ZSWIM8: variants seen among roughly 807,000 people sequenced by gnomAD.
The protein encoded by ZSWIM8 is zinc finger SWIM-type containing 8.
A neutral mutation model predicts 173.7 loss-of-function variants in ZSWIM8; 27 were observed. The observed-to-expected ratio is 0.16, with a 90% confidence interval of 0.11 to 0.21. The LOEUF (loss-of-function observed/expected upper bound fraction) is 0.21. Ranked by LOEUF, ZSWIM8 falls within the 10% of genes least tolerant of loss-of-function variation. ZSWIM8 has a pLI of 1.00. For synonymous variants in ZSWIM8, 958 were observed against 962.0 expected, an observed-to-expected ratio of 1.00 and a Z score of 0.08; for missense variants, 1,627 against 2,428.8, an observed-to-expected ratio of 0.67 and a Z score of 6.94.
At position 73,801,079 on chromosome 10, in the gene ZSWIM8, C is replaced by G; in HGVS notation, c.5185C>G (p.Leu1729Val). The G allele has an allele frequency of 6.4e-7, 1 of 1,567,454 alleles. No individual in the cohort carries two copies. The highest frequency in any genetic ancestry group is 8.6e-7 in the Non-Finnish European group (1 of 1,156,510). The change falls in exon 25 of 26, where the codon CTG becomes GTG. Residue 1729 changes from leucine to valine, a missense_variant. By Grantham distance (32) the Leu-to-Val change is conservative. This residue lies in a region of ZSWIM8 where 122 missense variants were observed against 196.1 expected (regional missense o/e 0.62). Transcript: ENST00000604729. This position sits in a 1 kb window ranked among gnomAD's most constrained non-coding sequence, Gnocchi z 4.9. ...CAAGGGGGTGCTGAGCCCGTTTGTG[C>G]TGCAGGAGATCGTCATGGAGACGCT... ...AAKGVLSPFV[L>V]QEIVMETLQR...
Position 73,797,383 on chromosome 10 carries a change from C to T in ZSWIM8, c.3440C>T (p.Ala1147Val). 1 of 1,613,830 alleles carries T rather than the reference C, an allele frequency of 6.2e-7. No individual in the cohort carries two copies. The highest frequency in any genetic ancestry group is 8.5e-7 in the Non-Finnish European group (1 of 1,179,788). Residue 1147 changes from alanine to valine, a missense_variant, in exon 18 of 26, where the codon GCC (alanine) becomes GTC (valine). Ala to Val is a moderately conservative substitution (Grantham distance 64, BLOSUM62 0). Coordinates refer to ENST00000604729, the MANE Select transcript of ZSWIM8 (RefSeq NM_001367799.1). The surrounding 1 kb of genome is among the most constrained non-coding windows in gnomAD (Gnocchi z 5.6). ...GRPKKKHTGM[A>V]SIDSSAPETT... ...GACTTCTCTTGGGGGTTAGGCATGG[C>T]CAGCATTGACAGCAGTGCCCCTGAA... is the stretch of plus-strand genomic sequence containing the variant.
At chr10:73,790,370 A>C in intron 7 of ZSWIM8, 78 bp downstream of exon 7, 2 of 1,523,516 alleles carry the variant, frequency 1.3e-6, no homozygotes, top group Non-Finnish European at 1.8e-6. Context: ...CCTTTCTTCT[A>C]TTCATGCCTG....
rs1258034268 is a variant in ZSWIM8, at chr10:73,794,594, C to T, written c.2863C>T (p.Pro955Ser). The part of the protein sequence containing the change: ...PPSRNWNSET[P>S]GDEELGFEAA... The stretch of plus-strand genomic sequence containing the variant: ...AAGTCGCAACTGGAACAGCGAGACA[C>T]CTGGGGATGAGGAGCTTGGATTTGA... The change falls in exon 14 of 26, where the codon CCT (proline) becomes TCT (serine). Residue 955 changes from proline (P) to serine (S), a missense_variant. Physicochemically the swap from Pro to Ser is moderately conservative, Grantham distance 74. Coordinates refer to ENST00000604729, the MANE Select transcript of ZSWIM8 (RefSeq NM_001367799.1). 1.3e-6 allele frequency: 2 copies of T among 1,558,100 alleles called. No homozygotes were observed. Among genetic ancestry groups the T allele is most frequent in the African/African-American group, 1.4e-5 (1 of 73,380 alleles).
rs1340114280 is a variant in ZSWIM8 at position 73,800,542 on chromosome 10, T to C, written c.5002+70T>C. 1.9e-6 allele frequency: 3 copies of C among 1,603,482 alleles called. No individual in the cohort carries two copies. Among genetic ancestry groups the C allele is most frequent in the South Asian group, 1.1e-5 (1 of 89,328 alleles). Reference sequence around the variant, plus strand: ...GTGGCTCTTCAGAGGACCCTTCCTCTAGCTCTTCATTTGTTTACTGTGGGG... The same window carrying C: ...GTGGCTCTTCAGAGGACCCTTCCTCCAGCTCTTCATTTGTTTACTGTGGGG... On this transcript the variant is annotated intron_variant, in intron 23 of 25. Coordinates refer to ENST00000604729, the MANE Select transcript of ZSWIM8 (RefSeq NM_001367799.1). The surrounding 1 kb of genome is among the most constrained non-coding windows in gnomAD (Gnocchi z 4.1).
intron 1 of ZSWIM8, among the ~76,000 whole-genome samples, chr10:73,787,987 C>T (rs911902122): frequency 6.6e-5 from 10 of 152,126 alleles, no homozygotes; most frequent in Admixed American, 2.6e-4. Flanking sequence ...CATGTTATCA[C>T]TACTTTTTGG....
In ZSWIM8 at chr10:73,792,161, G is replaced by C; in HGVS notation, c.1622G>C (p.Arg541Pro). ...PRPLPTEPAV[R>P]PKEPGTKRKG... ...CCCCTTCCTACTGAGCCAGCTGTGC[G>C]GCCCAAGGAGCCTGGGACCAAGCGA... The change falls in exon 10 of 26, where the codon CGG becomes CCG. Residue 541 changes from arginine (R) to proline (P), a missense_variant. Arg to Pro is a moderately radical substitution (Grantham distance 103, BLOSUM62 -2). Transcript: ENST00000604729. This position sits in a 1 kb window ranked among gnomAD's most constrained non-coding sequence, Gnocchi z 4.3. The C allele has an allele frequency of 6.5e-7, 1 of 1,528,038 alleles. No homozygotes were observed. Among genetic ancestry groups the C allele is most frequent in the Non-Finnish European group, 8.8e-7 (1 of 1,138,622 alleles). The allele number at this position is 1,528,038 out of a possible 1,614,324, so 94.7% of individuals were successfully genotyped here.
At position 73,796,954 on chromosome 10, in the gene ZSWIM8, G is replaced by A; in HGVS notation, c.3214G>A (p.Gly1072Arg). ...AGGCTCTGCAGGGCCTGCTCAACCA[G>A]GGAGTGTGGCAGGGGCTGGGCCAGG... ...TSGSAGPAQP[G>R]SVAGAGPGPT... The change falls in exon 16 of 26, where the codon GGG becomes AGG. Residue 1072 changes from glycine (G) to arginine (R), a missense_variant. Gly to Arg is a moderately radical substitution (Grantham distance 125). Transcript: ENST00000604729. 2 of 1,613,982 alleles carry A rather than the reference G, an allele frequency of 1.2e-6. No individual in the cohort carries two copies. The highest frequency in any genetic ancestry group is 1.7e-5 in the Admixed American group (1 of 60,032).
chr10:73,797,301 G>A lies in ZSWIM8; in HGVS notation c.3433+30G>A. 1 of 1,613,694 alleles carries A rather than the reference G, an allele frequency of 6.2e-7. No individual in the cohort carries two copies. Among genetic ancestry groups the A allele is most frequent in the Non-Finnish European group, 8.5e-7 (1 of 1,179,662 alleles). On this transcript the variant is annotated intron_variant, in intron 17 of 25. Transcript: ENST00000604729. The surrounding 1 kb of genome is among the most constrained non-coding windows in gnomAD (Gnocchi z 5.6). ...GATAGCCTGTGGGCTAGCATAGAGG[G>A]AAGGATAATCCTGAAGGTTGGAGTC... is the stretch of plus-strand genomic sequence containing the variant.
rs567026375 is a variant in ZSWIM8 at position 73,792,749 on chromosome 10, A to G, written c.2210A>G (p.Gln737Arg). ...TACCAGGCGTACTATCTGAATGCCC[A>G]GGATGGGGCTGGGGGCGAGGAAGAG... ...DDYQAYYLNAQDGAGGEEEKA... is the reference protein window; with the variant it reads ...DDYQAYYLNARDGAGGEEEKA... The change falls in exon 10 of 26, where the codon CAG (glutamine) becomes CGG (arginine). Residue 737 changes from glutamine to arginine, a missense_variant. This residue lies in a region of ZSWIM8 where 383 missense variants were observed against 394.8 expected (regional missense o/e 0.97). Coordinates refer to ENST00000604729, the MANE Select transcript of ZSWIM8 (RefSeq NM_001367799.1). The surrounding 1 kb of genome is among the most constrained non-coding windows in gnomAD (Gnocchi z 4.3). The G allele has an allele frequency of 7.4e-6, 12 of 1,613,382 alleles. No individual in the cohort carries two copies. In the South Asian group the frequency reaches 1.2e-4, roughly 16 times the overall value.
In ZSWIM8 at chr10:73,800,954, T is replaced by C; in HGVS notation, c.5123-63T>C. ...TCTGCCAGGCCAGAGCTGAGATCTG[T>C]AAGTTGGGTCCCTAGGGCAGAGGTG... On this transcript the variant is annotated intron_variant, in intron 24 of 25. Transcript: ENST00000604729. The surrounding 1 kb of genome is among the most constrained non-coding windows in gnomAD (Gnocchi z 4.1). The C allele has an allele frequency of 6.8e-7, 1 of 1,462,322 alleles. No individual in the cohort carries two copies. Among genetic ancestry groups the C allele is most frequent in the Non-Finnish European group, 9.3e-7 (1 of 1,080,812 alleles). 90.6% of individuals were successfully genotyped at this position (1,462,322 alleles called of 1,614,324 possible). A position where few individuals can be genotyped will look rare whatever the true frequency, so the allele number is the denominator to read the frequency against.
rs937081250 is a variant in ZSWIM8, at chr10:73,791,830, C to G, written c.1320-29C>G. ...TGCCCATCCTTTCCCAGTAGCCCCT[C>G]AGCAGCCTCCTGCCCCTTGTTCCCA... On this transcript the variant is annotated intron_variant, in intron 9 of 25. Transcript: ENST00000604729. This position sits in a 1 kb window ranked among gnomAD's most constrained non-coding sequence, Gnocchi z 6.0. 3 of 1,482,674 alleles carry G rather than the reference C, an allele frequency of 2.0e-6. No homozygotes were observed. Among genetic ancestry groups the G allele is most frequent in the Admixed American group, 4.5e-5 (2 of 44,054 alleles). The allele number at this position is 1,482,674 out of a possible 1,614,324, so 91.8% of individuals were successfully genotyped here.
intron 7 of ZSWIM8, 46 bp downstream of exon 7, chr10:73,790,338 G>T (rs757198378): frequency 6.4e-7 from 1 of 1,554,144 alleles, no homozygotes. Flanking sequence ...GAGGGGGAGC[G>T]TCCCTCAGGC....
At position 73,800,038 on chromosome 10, in the gene ZSWIM8, C is replaced by T; in HGVS notation, c.4693C>T (p.Gln1565Ter). The change falls in exon 22 of 26, where the codon CAG becomes TAG. Residue 1565 changes from glutamine to a stop codon, truncating the protein, a stop_gained. Coordinates refer to ENST00000604729, the MANE Select transcript of ZSWIM8 (RefSeq NM_001367799.1). LOFTEE classifies it high-confidence loss of function. This position sits in a 1 kb window ranked among gnomAD's most constrained non-coding sequence, Gnocchi z 4.1. ...QGVHPAFLGA[Q>*]YPYSVTPPSL... ...TGTGCATCCTGCATTCCTAGGGGCT[C>T]AGTACCCTTATTCAGTGACTCCTCC... The T allele has an allele frequency of 6.2e-7, 1 of 1,613,748 alleles. No individual in the cohort carries two copies. Among genetic ancestry groups the T allele is most frequent in the Non-Finnish European group, 8.5e-7 (1 of 1,179,786 alleles).
chr10:73,800,858 G>A lies in ZSWIM8; in HGVS notation c.5122+99G>A. The A allele has an allele frequency of 2.5e-6, 3 of 1,197,360 alleles. No homozygotes were observed. Among genetic ancestry groups the A allele is most frequent in the Non-Finnish European group, 3.5e-6 (3 of 851,274 alleles). 74.2% of individuals were successfully genotyped at this position (1,197,360 alleles called of 1,614,324 possible). A position where few individuals can be genotyped will look rare whatever the true frequency, so the allele number is the denominator to read the frequency against. Reference sequence around the variant, plus strand: ...TTCCTAGCTCTTGCTCAGAGTTGAGGCCTTGGTCGGGTATGTGTGCGTGCG... The same window carrying A: ...TTCCTAGCTCTTGCTCAGAGTTGAGACCTTGGTCGGGTATGTGTGCGTGCG... On this transcript the variant is annotated intron_variant, in intron 24 of 25. Transcript: ENST00000604729. The surrounding 1 kb of genome is among the most constrained non-coding windows in gnomAD (Gnocchi z 4.1).
At chr10:73,795,765 C>T (rs2132742081) in intron 15 of ZSWIM8, 102 bp downstream of exon 15, 1 of 1,349,148 alleles carries the variant, frequency 7.4e-7, no homozygotes, top group Admixed American at 2.6e-5. Flanking sequence ...TGAGACAAGC[C>T]TGGGCAACAT....
chr10:73,786,002 C>A lies in ZSWIM8; in HGVS notation c.124C>A (p.Arg42=), dbSNP rs1434793002. Residue 42 remains arginine, a synonymous_variant, in exon 1 of 26, where the codon CGG becomes AGG. Transcript: ENST00000604729. ...GGCCGAGAGCCTCTGCCAGAACTGG[C>A]GGGGATGGCGCAAACAGTCAGCGGG... The part of the protein sequence containing the change: ...SEAESLCQNW[R]GWRKQSAGPN... 13 of 1,600,428 alleles carry A rather than the reference C, an allele frequency of 8.1e-6. No individual in the cohort carries two copies. The highest frequency in any genetic ancestry group is 1.1e-5 in the Non-Finnish European group (13 of 1,173,242).
At position 73,801,122 on chromosome 10, in the gene ZSWIM8, C is replaced by T. The variant is rs1307120184; in HGVS notation, c.5228C>T (p.Ala1743Val). 8.8e-6 allele frequency: 14 copies of T among 1,585,626 alleles called. No individual in the cohort carries two copies. Among genetic ancestry groups the T allele is most frequent in the Non-Finnish European group, 1.2e-5 (14 of 1,166,978 alleles). Residue 1743 changes from alanine to valine, a missense_variant, in exon 25 of 26, where the codon GCT becomes GTT. By Grantham distance (64) the Ala-to-Val change is moderately conservative. Transcript: ENST00000604729. This position sits in a 1 kb window ranked among gnomAD's most constrained non-coding sequence, Gnocchi z 4.9. ...VMETLQRLSP[A>V]HAHNHLRAPA... ...GAGACGCTGCAGCGGCTGAGTCCCGCTCATGCCCACAACCACCTGCGTGCC... is the reference window on the plus strand; with the variant it reads ...GAGACGCTGCAGCGGCTGAGTCCCGTTCATGCCCACAACCACCTGCGTGCC...
intron 13 of ZSWIM8, 37 bp downstream of exon 13, chr10:73,794,367 G>T (rs949817403): frequency 6.2e-7 from 1 of 1,603,044 alleles, no homozygotes; most frequent in Non-Finnish European, 8.5e-7. Flanking sequence ...GGGGAACTGG[G>T]GTAGGGGTAG....
At chr10:73,794,085 G>C (rs1402929942) in intron 12 of ZSWIM8, 41 bp downstream of exon 12, 1 of 1,611,862 alleles carries the variant, frequency 6.2e-7, no homozygotes, top group Admixed American at 1.7e-5. Context: ...AGTCTCTTTA[G>C]AGCCTTGCAC....
Sources: gnomAD v4.1 joint callset for allele counts (sites outside exome capture counted in the v4.1 genomes callset) on GRCh38, gnomAD v4.1.1 for gene constraint, gnomAD v4.1.1 regional missense constraint, Gnocchi (gnomAD v3.1) non-coding constraint, MANE v1.5 for transcripts, NCBI Gene and HGNC (gene_info 2026-07-23, HGNC 2026-07-21) for gene names.